The following MYO1H variants were observed in gnomAD, a reference collection of about 807,000 sequenced individuals.
MYO1H encodes myosin IH, also known as unconventional myosin-Ih.
A neutral mutation model predicts 149.3 loss-of-function variants in MYO1H; 118 were observed. The observed-to-expected ratio is 0.79, with a 90% confidence interval of 0.68 to 0.92. The LOEUF (loss-of-function observed/expected upper bound fraction) is 0.92, where lower values mean the gene tolerates loss of function less well. MYO1H is among the 40% of genes least tolerant of loss of function. MYO1H has a pLI of 0.00. For missense variants in MYO1H, 1,212 were observed against 1,280.7 expected (o/e 0.95, Z 0.82); for synonymous variants, 447 against 465.2 (o/e 0.96, Z 0.50).
chr12:109,347,960 G>C (rs753944539), exon 1 of MYO1H: 12 of 398,936 alleles, frequency 3.0e-5, no homozygotes, highest in Non-Finnish European at 5.3e-5. Flanking sequence ...CTCTGTGCGT[G>C]ATGGAATCCA....
the MYO1H span, among the ~76,000 whole-genome samples, chr12:109,320,455 CA>C: frequency 0.013 from 847 of 63,326 alleles, 4 homozygotes; most frequent in South Asian, 0.02. Flanking sequence ...ATTAAAAATA[CA>C]AAAAAAAAAA....
chr12:109,376,399 T>A (rs1260958809), intron 1 of MYO1H, among the ~76,000 whole-genome samples: 1 of 152,248 alleles, frequency 6.6e-6, no homozygotes, highest in Non-Finnish European at 1.5e-5. Context: ...TCAAGGTTCA[T>A]CCATGTTGTA....
chr12:109,403,058 C>G (rs566742922), intron 6 of MYO1H, among the ~76,000 whole-genome samples: 2 of 152,312 alleles, frequency 1.3e-5, no homozygotes, highest in South Asian at 2.1e-4. Flanking sequence ...TGGCTTCACT[C>G]TGCAGTATAT....
chr12:109,358,223 A>G (rs1022302382), intron 1 of MYO1H, among the ~76,000 whole-genome samples: 1 of 152,036 alleles, frequency 6.6e-6, no homozygotes, highest in African/African-American at 2.4e-5. Context: ...TTGCTGTCAT[A>G]AGAAAAATAA....
chr12:109,336,799 T>C, the MYO1H span, among the ~76,000 whole-genome samples: 1 of 152,074 alleles, frequency 6.6e-6, no homozygotes, highest in African/African-American at 2.4e-5. Context: ...TGGTCAGAGA[T>C]GGTGCAGAAC....
At chr12:109,360,351 A>G in intron 1 of MYO1H, among the ~76,000 whole-genome samples, 1 of 152,210 alleles carries the variant, frequency 6.6e-6, no homozygotes, top group Non-Finnish European at 1.5e-5. Context: ...TCGTGAATCA[A>G]TGCAGAGATG....
chr12:109,436,416 C>A, intron 21 of MYO1H, 72 bp from the exon 22 acceptor site: 3 of 1,097,762 alleles, frequency 2.7e-6, no homozygotes, highest in Non-Finnish European at 4.1e-6. Context: ...CCCCCAAACA[C>A]CCCTGGAGAT....
At chr12:109,407,600 CAAAAAAAA>C (rs776897477) in intron 9 of MYO1H, among the ~76,000 whole-genome samples, 186 bp from the exon 10 acceptor site, 8 of 68,434 alleles carry the variant, frequency 1.2e-4, no homozygotes, top group African/African-American at 2.7e-4. Flanking sequence ...CACATTTCTA[CAAAAAAAA>C]AAAAAAAAAA....
chr12:109,370,966 C>G (rs7972346), intron 1 of MYO1H, among the ~76,000 whole-genome samples: 75,758 of 152,018 alleles, frequency 0.5, 19,538 homozygotes, highest in African/African-American at 0.62. Context: ...ATAACTGTAA[C>G]TTGTACAAAA....
In MYO1H at chr12:109,396,403, G is replaced by A. The variant is rs765457602; in HGVS notation, c.310G>A (p.Ala104Thr). The A allele has an allele frequency of 5.6e-6, 9 of 1,611,162 alleles. No individual in the cohort carries two copies. The highest frequency in any genetic ancestry group is 3.4e-5 in the Admixed American group (2 of 59,688). ...CTCCAGCTACGCTATAGCCGACAAC[G>A]CTTACCGAATGATGTGTGCTGAACT... The change falls in exon 4 of 32, where the codon GCT (alanine) becomes ACT (threonine). Residue 104 changes from alanine (A) to threonine (T), a missense_variant. Physicochemically the swap from Ala to Thr is moderately conservative, Grantham distance 58. Transcript: ENST00000310903.
chr12:109,310,497 C>T, the MYO1H span, among the ~76,000 whole-genome samples: 1 of 152,256 alleles, frequency 6.6e-6, no homozygotes, highest in East Asian at 1.9e-4. Flanking sequence ...GACCTCTGCG[C>T]CGCCCCCACC....
At chr12:109,348,891 G>A (rs1868396659) in intron 1 of MYO1H, among the ~76,000 whole-genome samples, 1 of 152,202 alleles carries the variant, frequency 6.6e-6, no homozygotes, top group Admixed American at 6.5e-5. Context: ...CAGGCACCAT[G>A]AAGAAACCCT....
chr12:109,412,207 G>C (rs1426361592), intron 14 of MYO1H, among the ~76,000 whole-genome samples: 1 of 152,088 alleles, frequency 6.6e-6, no homozygotes, highest in Non-Finnish European at 1.5e-5. Flanking sequence ...ACCTAGGCTG[G>C]AGTGCAGTGA....
chr12:109,398,885 G>T (rs1196754320), intron 5 of MYO1H, among the ~76,000 whole-genome samples: 2 of 152,070 alleles, frequency 1.3e-5, no homozygotes, highest in Non-Finnish European at 2.9e-5. Flanking sequence ...CAGCCATACA[G>T]TCGCAATGAC....
At chr12:109,442,106 C>T (rs1042511562) in intron 26 of MYO1H, 111 bp from the exon 27 acceptor site, 5 of 873,690 alleles carry the variant, frequency 5.7e-6, no homozygotes, top group Non-Finnish European at 9.4e-6. Flanking sequence ...GGCTATTTCC[C>T]CACCTGAGAT....
At chr12:109,418,410 G>C (rs1871021058) in intron 15 of MYO1H, among the ~76,000 whole-genome samples, 1 of 151,210 alleles carries the variant, frequency 6.6e-6, no homozygotes, top group South Asian at 2.1e-4. Context: ...GTGCAGTGGC[G>C]TGATCTTGGC....
intron 5 of MYO1H, among the ~76,000 whole-genome samples, chr12:109,399,507 A>G (rs2137047690): frequency 6.7e-6 from 1 of 149,446 alleles, no homozygotes; most frequent in South Asian, 2.1e-4. Context: ...CATGAGAAAC[A>G]CTTGAACTTG....
chr12:109,424,881 AC>A, intron 17 of MYO1H, 53 bp downstream of exon 17: 1 of 1,349,724 alleles, frequency 7.4e-7, no homozygotes. Context: ...GGGTGAGATG[AC>A]CACCAACTAC....
At chr12:109,330,569 AC>A in the MYO1H span, among the ~76,000 whole-genome samples, 1 of 152,154 alleles carries the variant, frequency 6.6e-6, no homozygotes, top group East Asian at 1.9e-4. Context: ...TATTCCAGTG[AC>A]CCCTACCAAG....
Sources: allele counts gnomAD v4.1 joint callset (sites outside exome capture counted in the v4.1 genomes callset), GRCh38; gene constraint gnomAD v4.1.1; transcripts MANE v1.5; gene names NCBI Gene and HGNC (gene_info 2026-07-23, HGNC 2026-07-21).